Variants in OXSM observed in about 807,000 individuals in gnomAD.
OXSM encodes the protein 3-oxoacyl-ACP synthase, mitochondrial, also known as 3-oxoacyl-[acyl-carrier-protein] synthase, mitochondrial.
Under a neutral mutation model 29.2 loss-of-function variants are expected in OXSM, and 19 were observed. The observed-to-expected ratio is 0.65, with a 90% CI of 0.45 to 0.96. The LOEUF is 0.96. OXSM is among the 40% of genes least tolerant of loss of function. The probability of loss-of-function intolerance (pLI) is 0.00; values close to 1 mark genes in which losing one functional copy is unlikely to be tolerated. For missense variants in OXSM, 554 were observed against 551.3 expected, an observed-to-expected ratio of 1.00 and a Z score of -0.05; for synonymous variants, 178 against 197.1, an observed-to-expected ratio of 0.90 and a Z score of 0.81.
At position 25,791,745 on chromosome 3, in the gene OXSM, C is replaced by T. The variant is rs1039420855; in HGVS notation, c.725C>T (p.Pro242Leu). 9 of 1,614,010 alleles carry T rather than the reference C, an allele frequency of 5.6e-6. No homozygotes were observed. Among genetic ancestry groups the T allele is most frequent in the African/African-American group, 4.0e-5 (3 of 74,888 alleles). Reference sequence around the variant, plus strand: ...GGAGGTACAGATTCTTGTATTAGCCCTTTATCTCTTGCTGGGTTTTCCAGA... The same window carrying T: ...GGAGGTACAGATTCTTGTATTAGCCTTTTATCTCTTGCTGGGTTTTCCAGA... ...VAGGTDSCIS[P>L]LSLAGFSRAR... The change falls in exon 2 of 3, where the codon CCT becomes CTT. Residue 242 changes from proline (P) to leucine (L), a missense_variant. Transcript: ENST00000280701.
intron 2 of OXSM, among the ~76,000 whole-genome samples, chr3:25,793,057 T>C (rs1708796611): frequency 6.6e-6 from 1 of 152,244 alleles, no homozygotes; most frequent in Admixed American, 6.5e-5. Flanking sequence ...TTTACAAAAA[T>C]AGGCATCTAG....
Position 25,790,120 on chromosome 3 carries a change from A to G in OXSM, c.-59A>G. On this transcript the variant is annotated 5_prime_UTR_variant, in exon 1 of 3. Transcript: ENST00000280701. ...AGAGCGTCATCGCCCCCGACTGTGG[A>G]GAAGTGTCCGGGGTAGCCCCGTTAC... 3 of 576,178 alleles carry G rather than the reference A, an allele frequency of 5.2e-6. No individual in the cohort carries two copies. Among genetic ancestry groups the G allele is most frequent in the East Asian group, 2.9e-5 (1 of 34,736 alleles). 35.7% of individuals were successfully genotyped at this position (576,178 alleles called of 1,614,324 possible).
intron 1 of OXSM, chr3:25,790,743 G>A: frequency 2.9e-6 from 1 of 346,872 alleles, no homozygotes; most frequent in South Asian, 5.7e-5. Context: ...TTACTGTTTT[G>A]GTGACTCGAA....
chr3:25,791,914 C>T lies in OXSM; in HGVS notation c.894C>T (p.Ile298=). 3.1e-6 allele frequency: 5 copies of T among 1,604,090 alleles called. No individual in the cohort carries two copies. The highest frequency in any genetic ancestry group is 4.2e-6 in the Non-Finnish European group (5 of 1,179,938). The change falls in exon 2 of 3, where the codon ATC becomes ATT. Residue 298 remains isoleucine, a synonymous_variant. Coordinates refer to ENST00000280701, the MANE Select transcript of OXSM (RefSeq NM_017897.3). ...ATGCTGTTCAAAGAAGAGCCCGGATCTATGCAGAAGTTTTGGGCTATGGAC... is the reference window on the plus strand; with the variant it reads ...ATGCTGTTCAAAGAAGAGCCCGGATTTATGCAGAAGTTTTGGGCTATGGAC... ...YEHAVQRRAR[I]YAEVLGYGLS... is the part of the protein sequence containing the mutation.
rs145214157 is a variant in OXSM, at chr3:25,790,391, C to G, written c.-32+244C>G. ...TTGAAGTGATCCACTAGTCGTAACC[C>G]CTCCTTCCACCAATGATTCAATTGG... On this transcript the variant is annotated intron_variant, in intron 1 of 2. Transcript: ENST00000280701. 1.0e-3 allele frequency: 171 copies of G among 164,126 alleles called. 3 individuals are homozygous for G. In the East Asian group the frequency reaches 0.027, roughly 26 times the overall value. 10.2% of individuals were successfully genotyped at this position (164,126 alleles called of 1,614,324 possible). A position where few individuals can be genotyped will look rare whatever the true frequency, so the allele number is the denominator to read the frequency against.
rs976331258 is a variant in OXSM, at chr3:25,794,174, T to G, written c.1060T>G (p.Leu354Val). The change falls in exon 3 of 3, where the codon TTG (leucine) becomes GTG (valine). Residue 354 changes from leucine (L) to valine (V), a missense_variant. Physicochemically the swap from Leu to Val is conservative, Grantham distance 32. Coordinates refer to ENST00000280701, the MANE Select transcript of OXSM (RefSeq NM_017897.3). The stretch of plus-strand genomic sequence containing the variant: ...CAATGCACATGCTACTTCCACACCA[T>G]TGGGAGATGCTGCTGAAAACAAAGC... ...YINAHATSTP[L>V]GDAAENKAIK... The G allele has an allele frequency of 5.6e-6, 9 of 1,614,242 alleles. No individual in the cohort carries two copies. In the Admixed American group the frequency reaches 1.5e-4, roughly 27 times the overall value.
rs1322604560 is a variant in OXSM, at chr3:25,791,677, A to G, written c.657A>G (p.Ser219=). ...CTTGAHAVGD[S]FRFIAHGDAD... ...CAGGAGCTCATGCTGTGGGAGACTC[A>G]TTTAGATTTATAGCCCATGGTGATG... Residue 219 remains serine (S), a synonymous_variant, in exon 2 of 3, where the codon TCA becomes TCG. Transcript: ENST00000280701. 1 of 1,614,120 alleles carries G rather than the reference A, an allele frequency of 6.2e-7. No individual in the cohort carries two copies. Among genetic ancestry groups the G allele is most frequent in the Admixed American group, 1.7e-5 (1 of 60,028 alleles).
chr3:25,791,665 TG>T lies in OXSM; in HGVS notation c.646del (p.Val216TrpfsTer8). ...CAGCCTGTACCACAGGAGCTCATGC[TG>T]TGGGAGACTCATTTAGATTTATAGC... ...STACTTGAHA[V>X]GDSFRFIAHG... On this transcript the variant is annotated frameshift_variant, in exon 2 of 3. Transcript: ENST00000280701. LOFTEE classifies it high-confidence loss of function. 1.2e-6 allele frequency: 2 copies of T among 1,614,196 alleles called. No homozygotes were observed. The highest frequency in any genetic ancestry group is 1.7e-6 in the Non-Finnish European group (2 of 1,180,022).
rs1708828251 is a variant in OXSM, at chr3:25,794,265, G to T, written c.1151G>T (p.Gly384Val). ...GTTTCCTCAACTAAGGGAGCAACAG[G>T]ACATCTGCTGGGAGCTGCAGGGGCA... ...LAVSSTKGAT[G>V]HLLGAAGAVE... The change falls in exon 3 of 3, where the codon GGA becomes GTA. Residue 384 changes from glycine to valine, a missense_variant. Transcript: ENST00000280701. The T allele has an allele frequency of 6.2e-7, 1 of 1,614,234 alleles. No homozygotes were observed. Among genetic ancestry groups the T allele is most frequent in the Non-Finnish European group, 8.5e-7 (1 of 1,180,038 alleles).
chr3:25,790,917 C>A (rs1022212297), intron 1 of OXSM, 73 bp from the exon 2 acceptor site: 1 of 1,096,200 alleles, frequency 9.1e-7, no homozygotes, highest in Non-Finnish European at 1.3e-6. Context: ...CAAAGGAACA[C>A]CTTGGATGTT....
chr3:25,793,917 G>A (rs1708819013), intron 2 of OXSM, among the ~76,000 whole-genome samples, 175 bp from the exon 3 acceptor site: 1 of 152,204 alleles, frequency 6.6e-6, no homozygotes, highest in African/African-American at 2.4e-5. Flanking sequence ...TTCCCATACA[G>A]ATGGCATCCT....
At position 25,791,075 on chromosome 3, in the gene OXSM, T is replaced by C; in HGVS notation, c.55T>C (p.Ser19Pro). The change falls in exon 2 of 3, where the codon TCA becomes CCA. Residue 19 changes from serine (S) to proline (P), a missense_variant. Ser to Pro is a moderately conservative substitution (Grantham distance 74). Transcript: ENST00000280701. Reference sequence around the variant, plus strand: ...AATTACAAGCACTCGTCTTCTATGTTCAAGATTATGCCAACAGTTAAGAAG... The same window carrying C: ...AATTACAAGCACTCGTCTTCTATGTCCAAGATTATGCCAACAGTTAAGAAG... ...LKITSTRLLC[S>P]RLCQQLRSKR... 1 of 1,614,106 alleles carries C rather than the reference T, an allele frequency of 6.2e-7. No homozygotes were observed. Among genetic ancestry groups the C allele is most frequent in the Non-Finnish European group, 8.5e-7 (1 of 1,179,934 alleles).
Position 25,791,318 on chromosome 3 carries a change from C to A in OXSM, c.298C>A (p.Gln100Lys). 6.2e-7 allele frequency: 1 copy of A among 1,614,042 alleles called. No homozygotes were observed. The highest frequency in any genetic ancestry group is 1.1e-5 in the South Asian group (1 of 91,074). Residue 100 changes from glutamine to lysine, a missense_variant, in exon 2 of 3, where the codon CAG (glutamine) becomes AAG (lysine). Transcript: ENST00000280701. ...AYVPRGSDEG[Q>K]FNEQNFVSKS... The stretch of plus-strand genomic sequence containing the variant: ...TGTGCCAAGAGGTAGTGATGAAGGT[C>A]AGTTCAATGAACAAAACTTTGTGTC...
rs576167747 is a variant in OXSM, at chr3:25,790,691, A to C, written c.-31-299A>C. The C allele has an allele frequency of 2.3e-4, 53 of 234,094 alleles. 1 individual carries two copies. The highest frequency in any genetic ancestry group is 3.6e-4 in the South Asian group (4 of 11,130). The allele number at this position is 234,094 out of a possible 1,614,324, so 14.5% of individuals were successfully genotyped here. A position where few individuals can be genotyped will look rare whatever the true frequency, so the allele number is the denominator to read the frequency against. On this transcript the variant is annotated intron_variant, in intron 1 of 2. Transcript: ENST00000280701. ...AATCCTGACAAAGGATGCTTCCTGCAGCTCAAATCAGGCTGGAGGTGCCTT... is the reference window on the plus strand; with the variant it reads ...AATCCTGACAAAGGATGCTTCCTGCCGCTCAAATCAGGCTGGAGGTGCCTT...
chr3:25,790,635 C>A, intron 1 of OXSM: 1 of 189,734 alleles, frequency 5.3e-6, no homozygotes, highest in Non-Finnish European at 1.1e-5. Context: ...GCCACTGACA[C>A]CAGAAATGCT....
chr3:25,792,082 G>A lies in OXSM; in HGVS notation c.977+85G>A, dbSNP rs541255761. On this transcript the variant is annotated intron_variant, in intron 2 of 2. Transcript: ENST00000280701. ...CCAAATTAGGGAAGTTGTAGTGTCT[G>A]GCCTTGGTGTACAGTATCTCTGTTG... 67 of 1,173,222 alleles carry A rather than the reference G, an allele frequency of 5.7e-5. 1 individual carries two copies. Among genetic ancestry groups the A allele is most frequent in the South Asian group, 3.7e-4 (25 of 68,434 alleles). 72.7% of individuals were successfully genotyped at this position (1,173,222 alleles called of 1,614,324 possible). A position where few individuals can be genotyped will look rare whatever the true frequency, so the allele number is the denominator to read the frequency against.
rs773100693 is a variant in OXSM at position 25,791,394 on chromosome 3, C to T, written c.374C>T (p.Ala125Val). The T allele has an allele frequency of 6.2e-7, 1 of 1,614,178 alleles. No individual in the cohort carries two copies. Among genetic ancestry groups the T allele is most frequent in the Non-Finnish European group, 8.5e-7 (1 of 1,180,024 alleles). ...MSSPTIMAIGAAELAMKDSGW... is the reference protein window; with the variant it reads ...MSSPTIMAIGVAELAMKDSGW... ...TCTCCCACCATCATGGCCATTGGGG[C>T]TGCAGAATTAGCCATGAAGGATTCT... is the stretch of plus-strand genomic sequence containing the variant. The change falls in exon 2 of 3, where the codon GCT (alanine) becomes GTT (valine). Residue 125 changes from alanine (A) to valine (V), a missense_variant. Transcript: ENST00000280701.
chr3:25,791,301 G>C lies in OXSM; in HGVS notation c.281G>C (p.Arg94Thr). ...TGCAGTGTTGCTGCTTATGTGCCAA[G>C]AGGTAGTGATGAAGGTCAGTTCAAT... ...IPCSVAAYVP[R>T]GSDEGQFNEQ... is the part of the protein sequence containing the mutation. Residue 94 changes from arginine (R) to threonine (T), a missense_variant, in exon 2 of 3, where the codon AGA becomes ACA. Transcript: ENST00000280701. 6.2e-7 allele frequency: 1 copy of C among 1,614,166 alleles called. No homozygotes were observed. The highest frequency in any genetic ancestry group is 8.5e-7 in the Non-Finnish European group (1 of 1,180,030).
chr3:25,793,733 C>A (rs1369112373), intron 2 of OXSM, among the ~76,000 whole-genome samples: 1 of 152,194 alleles, frequency 6.6e-6, no homozygotes, highest in Non-Finnish European at 1.5e-5. Context: ...CTCCAAAAAT[C>A]CCTAGAACAA....
Sources: allele counts gnomAD v4.1 joint callset (sites outside exome capture counted in the v4.1 genomes callset), GRCh38; gene constraint gnomAD v4.1.1; transcripts MANE v1.5; gene names NCBI Gene and HGNC (gene_info 2026-07-23, HGNC 2026-07-21).